The following NUB1 variants were observed in gnomAD, a reference collection of about 807,000 sequenced individuals.
The protein encoded by NUB1 is negative regulator of ubiquitin like proteins 1.
NUB1 carries 41 observed loss-of-function variants against 77.1 expected under a neutral mutation model. That is an observed-to-expected ratio of 0.53 (90% CI 0.41 to 0.69). The LOEUF is 0.69. NUB1 is among the 30% of genes least tolerant of loss of function. The probability of loss-of-function intolerance (pLI) is 0.00; values close to 1 mark genes in which losing one functional copy is unlikely to be tolerated. For synonymous variants in NUB1, 257 were observed against 281.0 expected, an observed-to-expected ratio of 0.91 and a Z score of 0.85; for missense variants, 643 against 743.8, an observed-to-expected ratio of 0.86 and a Z score of 1.58.
intron 7 of NUB1, among the ~76,000 whole-genome samples, chr7:151,357,673 G>A (rs1436321964): frequency 6.0e-5 from 9 of 149,584 alleles, no homozygotes; most frequent in Admixed American, 2.7e-4. Context: ...GCAGTGGTGC[G>A]ATCTCAGCTC....
chr7:151,368,646 A>T (rs1020460390), intron 10 of NUB1, 89 bp from the exon 11 acceptor site: 1 of 1,409,108 alleles, frequency 7.1e-7, no homozygotes, highest in African/African-American at 1.4e-5. Context: ...TTCACATTGG[A>T]TACAATCTAA....
At chr7:151,369,823 T>C (rs1368697318) in intron 11 of NUB1, among the ~76,000 whole-genome samples, 2 of 152,194 alleles carry the variant, frequency 1.3e-5, no homozygotes, top group Admixed American at 1.3e-4. Context: ...TCGTTTCCCT[T>C]TTTGCTAAAC....
chr7:151,376,610 T>C, intron 13 of NUB1, 24 bp from the exon 14 acceptor site: 2 of 1,580,918 alleles, frequency 1.3e-6, no homozygotes, highest in Non-Finnish European at 8.6e-7. Flanking sequence ...GGGCTGATGC[T>C]GTGACCCCTG....
At chr7:151,374,281 G>A (rs1276484186) in intron 12 of NUB1, 38 bp downstream of exon 12, 1 of 1,549,166 alleles carries the variant, frequency 6.5e-7, no homozygotes. Context: ...TTGTCCCTGA[G>A]CAGTGGGTCC....
intron 8 of NUB1, among the ~76,000 whole-genome samples, chr7:151,365,467 A>T (rs1052705606): frequency 6.6e-6 from 1 of 152,218 alleles, no homozygotes; most frequent in African/African-American, 2.4e-5. Context: ...TGTTAAAGCA[A>T]CATGCAGGAG....
intron 8 of NUB1, among the ~76,000 whole-genome samples, chr7:151,365,894 T>TG (rs1384771150): frequency 6.6e-6 from 1 of 151,966 alleles, no homozygotes; most frequent in African/African-American, 2.4e-5. Flanking sequence ...AAAGTCCTTT[T>TG]TTTTTTATTC....
intron 8 of NUB1, 151 bp from the exon 9 acceptor site, chr7:151,366,788 C>T: frequency 3.5e-6 from 2 of 563,878 alleles, no homozygotes; most frequent in Non-Finnish European, 6.0e-6. Context: ...AGCTCCCTTC[C>T]TAAACATTAG....
chr7:151,363,296 A>C (rs1017592264), intron 8 of NUB1, among the ~76,000 whole-genome samples: 4 of 152,240 alleles, frequency 2.6e-5, no homozygotes, highest in Non-Finnish European at 5.9e-5. Context: ...GGAGACATTC[A>C]AAAGACCCAC....
At chr7:151,375,717 G>GT in intron 12 of NUB1, 131 bp from the exon 13 acceptor site, 1 of 647,594 alleles carries the variant, frequency 1.5e-6, no homozygotes. Context: ...CAGCCTGAGT[G>GT]GGAGCCCCTT....
chr7:151,343,772 G>A (rs1424240546), intron 1 of NUB1, among the ~76,000 whole-genome samples: 1 of 152,188 alleles, frequency 6.6e-6, no homozygotes, highest in Non-Finnish European at 1.5e-5. Flanking sequence ...GTCCAGTGTT[G>A]TGGGTGGAAG....
chr7:151,357,485 G>T (rs1245489978), intron 7 of NUB1, among the ~76,000 whole-genome samples: 1 of 152,036 alleles, frequency 6.6e-6, no homozygotes, highest in East Asian at 1.9e-4. Flanking sequence ...TCTGAGAAAG[G>T]GTTCAGTAGC....
chr7:151,355,995 C>A (rs766433588), intron 6 of NUB1, 45 bp downstream of exon 6: 1 of 1,596,548 alleles, frequency 6.3e-7, no homozygotes, highest in Non-Finnish European at 8.6e-7. Context: ...TGCTTGGGGG[C>A]AGCACTGGAT....
intron 4 of NUB1, chr7:151,352,134 T>C (rs1383118023): frequency 2.2e-6 from 1 of 456,670 alleles, no homozygotes; most frequent in Admixed American, 2.3e-5. Context: ...GCAACACACA[T>C]GCGTAGAAGA....
chr7:151,356,323 A>G (rs1239056210), intron 7 of NUB1, 101 bp downstream of exon 7: 5 of 849,492 alleles, frequency 5.9e-6, no homozygotes, highest in Non-Finnish European at 7.8e-6. Flanking sequence ...AAGGGTTGGA[A>G]ACAGTGCTCC....
intron 7 of NUB1, 39 bp downstream of exon 7, chr7:151,356,261 TG>T (rs1797059594): frequency 1.4e-6 from 2 of 1,464,776 alleles, no homozygotes; most frequent in South Asian, 2.3e-5. Flanking sequence ...TTCTTAGATT[TG>T]TTGTCAGGGC....
At chr7:151,347,485 T>C (rs1043086364) in intron 2 of NUB1, among the ~76,000 whole-genome samples, 3 of 152,066 alleles carry the variant, frequency 2.0e-5, no homozygotes, top group Non-Finnish European at 4.4e-5. Context: ...TGAGACAAGG[T>C]CTTGATCTGT....
At chr7:151,376,957 A>T (rs926999217) in intron 14 of NUB1, 90 bp from the exon 15 acceptor site, 1 of 1,414,646 alleles carries the variant, frequency 7.1e-7, no homozygotes, top group African/African-American at 1.4e-5. Flanking sequence ...GTGGCCAGCA[A>T]GAGGCACAGT....
chr7:151,369,394 C>T, intron 11 of NUB1, among the ~76,000 whole-genome samples: 1 of 152,196 alleles, frequency 6.6e-6, no homozygotes, highest in South Asian at 2.1e-4. Context: ...ACGGTCCCCT[C>T]TCTCTCTTTC....
Position 151,359,734 on chromosome 7 carries a change from A to G in NUB1, c.694-407A>G, listed in dbSNP as rs540442909. On this transcript the variant is annotated intron_variant, in intron 7 of 14. Transcript: ENST00000568733. Reference sequence around the variant, plus strand: ...AGAGGTTGCAGTGACCCGAGATCGCACCACTGCCCTCCAGCCTGGACGACA... The same window carrying G: ...AGAGGTTGCAGTGACCCGAGATCGCGCCACTGCCCTCCAGCCTGGACGACA... 2.0e-5 allele frequency among the ~76,000 whole-genome samples: 3 copies of G among 152,110 alleles called. No individual in the cohort carries two copies. The South Asian group carries it at 6.2e-4, about 32-fold the overall frequency.
Sources: gnomAD v4.1 joint callset for allele counts (sites outside exome capture counted in the v4.1 genomes callset) on GRCh38, gnomAD v4.1.1 for gene constraint, MANE v1.5 for transcripts, NCBI Gene and HGNC (gene_info 2026-07-23, HGNC 2026-07-21) for gene names.